Variants in B4GALT1 observed in about 807,000 individuals in gnomAD.
The protein encoded by B4GALT1 is beta-1,4-galactosyltransferase 1, also known as N-acetyllactosamine synthase.
A neutral mutation model predicts 34.9 loss-of-function variants in B4GALT1; 16 were observed. That is an observed-to-expected ratio of 0.46 (90% CI 0.31 to 0.70). The LOEUF is 0.70. Ranked by LOEUF, B4GALT1 falls within the 30% of genes least tolerant of loss-of-function variation. The probability of loss-of-function intolerance (pLI) is 0.05; values close to 1 mark genes in which losing one functional copy is unlikely to be tolerated. For missense variants in B4GALT1, 445 were observed against 530.5 expected (o/e 0.84, Z 1.58); for synonymous variants, 221 against 218.1 (o/e 1.01, Z -0.12).
chr9:33,151,386 G>A (rs1177282901), intron 1 of B4GALT1, among the ~76,000 whole-genome samples: 2 of 152,090 alleles, frequency 1.3e-5, no homozygotes, highest in South Asian at 2.1e-4. Context: ...CTGGAGCTGC[G>A]GTGCTGACTA....
chr9:33,161,124 G>C (rs1322557237), intron 1 of B4GALT1, among the ~76,000 whole-genome samples: 1 of 151,984 alleles, frequency 6.6e-6, no homozygotes, highest in Non-Finnish European at 1.5e-5. Flanking sequence ...AACACACCCA[G>C]ACCAGACTTT....
chr9:33,134,765 G>A (rs945052774), intron 2 of B4GALT1, among the ~76,000 whole-genome samples: 4 of 152,188 alleles, frequency 2.6e-5, no homozygotes, highest in African/African-American at 7.2e-5. Context: ...GGTGCCCCAG[G>A]AGACACGCTC....
intron 2 of B4GALT1, among the ~76,000 whole-genome samples, chr9:33,125,389 G>C (rs1377384541): frequency 6.6e-6 from 1 of 152,230 alleles, no homozygotes; most frequent in Admixed American, 6.5e-5. Context: ...TTAGGTGCTT[G>C]TTAAGATACT....
Position 33,145,805 on chromosome 9 carries a change from G to T in B4GALT1, c.413-10381C>A, listed in dbSNP as rs528127662. ...ACTGTCCCTGCGCTGTACCCACGGG[G>T]ATTCTGTCTCAGAATCTTTTCCAAT... On this transcript the variant is annotated intron_variant, in intron 1 of 5. Coordinates refer to ENST00000379731, the MANE Select transcript of B4GALT1 (RefSeq NM_001497.4). 7.9e-5 allele frequency among the ~76,000 whole-genome samples: 12 copies of T among 152,336 alleles called. No individual in the cohort carries two copies. In the South Asian group the frequency reaches 2.5e-3, roughly 32 times the overall value.
intron 1 of B4GALT1, among the ~76,000 whole-genome samples, chr9:33,160,602 A>G (rs914735309): frequency 1.2e-4 from 19 of 152,146 alleles, no homozygotes; most frequent in African/African-American, 4.6e-4. Context: ...CCCCATCTCT[A>G]CAAAAAATAC....
In B4GALT1 at chr9:33,165,590, T is replaced by C. The variant is rs768619677; in HGVS notation, c.412+1168A>G. The stretch of plus-strand genomic sequence containing the variant: ...CACATTGACGCAATTACTGGCGAAA[T>C]TGAGCAAGAGTATGTAGTAGCCAGG... On this transcript the variant is annotated intron_variant, in intron 1 of 5. Transcript: ENST00000379731. Among the ~76,000 whole-genome samples, 10 of 152,354 alleles carry C rather than the reference T, an allele frequency of 6.6e-5. 1 individual carries two copies. Among genetic ancestry groups the C allele is most frequent in the South Asian group, 2.1e-4 (1 of 4,834 alleles).
downstream of B4GALT1, among the ~76,000 whole-genome samples, chr9:33,106,557 T>C (rs1305768101): frequency 2.0e-5 from 3 of 152,236 alleles, no homozygotes; most frequent in East Asian, 5.8e-4. Flanking sequence ...GGGACAGCAA[T>C]GGAGCGTGGA....
downstream of B4GALT1, chr9:33,108,725 T>C (rs1587723674): frequency 6.6e-6 from 1 of 151,986 alleles, no homozygotes; most frequent in Non-Finnish European, 1.5e-5. Flanking sequence ...AGTGAAAGGG[T>C]GAACTTAACC....
In B4GALT1 at chr9:33,135,444, G is replaced by C; in HGVS notation, c.413-20C>G. The stretch of plus-strand genomic sequence containing the variant: ...GGCCCACTAGAGAGGTGGAGGGAGG[G>C]AGAAGTTAGCAGGCCACAGGACTCG... On this transcript the variant is annotated intron_variant, in intron 1 of 5. Coordinates refer to ENST00000379731, the MANE Select transcript of B4GALT1 (RefSeq NM_001497.4). The C allele has an allele frequency of 6.2e-7, 1 of 1,610,620 alleles. No individual in the cohort carries two copies. The highest frequency in any genetic ancestry group is 8.5e-7 in the Non-Finnish European group (1 of 1,177,642).
rs752872807 is a variant in B4GALT1 at position 33,120,653 on chromosome 9, G to A, written c.649-47C>T. 3.8e-6 allele frequency: 6 copies of A among 1,595,376 alleles called. No individual in the cohort carries two copies. In the East Asian group the frequency reaches 1.4e-4, roughly 36 times the overall value. On this transcript the variant is annotated intron_variant, in intron 2 of 5. Coordinates refer to ENST00000379731, the MANE Select transcript of B4GALT1 (RefSeq NM_001497.4). ...TGATATCAAATGCCTTAAAGCCTTT[G>A]GGCCAAACACTCACAGGGACTGGTG...
At position 33,112,017 on chromosome 9, in the gene B4GALT1, G is replaced by A. The variant is rs1839870044; in HGVS notation, c.*1437C>T. 1 of 152,700 alleles carries A rather than the reference G, an allele frequency of 6.5e-6. No homozygotes were observed. Among genetic ancestry groups the A allele is most frequent in the African/African-American group, 2.4e-5 (1 of 41,444 alleles). The allele number at this position is 152,700 out of a possible 1,614,324, so 9.5% of individuals were successfully genotyped here. A position where few individuals can be genotyped will look rare whatever the true frequency, so the allele number is the denominator to read the frequency against. ...ATTCATGCTGGGGAATGGATAGTCT[G>A]TTTGACCCTGAGTGCCACAGTCAAG... On this transcript the variant is annotated 3_prime_UTR_variant, in exon 6 of 6. Transcript: ENST00000379731.
chr9:33,123,683 T>C (rs1160281503), intron 2 of B4GALT1, among the ~76,000 whole-genome samples: 2 of 152,198 alleles, frequency 1.3e-5, no homozygotes, highest in South Asian at 4.1e-4. Flanking sequence ...CTACTGGCCT[T>C]GGCTGTTTGA....
chr9:33,112,954 A>ACCT lies in B4GALT1; in HGVS notation c.*499_*500insAGG, dbSNP rs878951274. The ACCT allele has an allele frequency of 1.6e-5, 4 of 242,476 alleles. No individual in the cohort carries two copies. In the South Asian group the frequency reaches 2.0e-4, roughly 12 times the overall value. 15.0% of individuals were successfully genotyped at this position (242,476 alleles called of 1,614,324 possible). ...TGATTGCAGTGGTTGCATACCACTGAAAGAAGGGGGTGGGGGGAGGACGTA... is the reference window on the plus strand; with the variant it reads ...TGATTGCAGTGGTTGCATACCACTGACCTAAGAAGGGGGTGGGGGGAGGACGTA... On this transcript the variant is annotated 3_prime_UTR_variant, in exon 6 of 6. Coordinates refer to ENST00000379731, the MANE Select transcript of B4GALT1 (RefSeq NM_001497.4).
intron 1 of B4GALT1, among the ~76,000 whole-genome samples, chr9:33,146,871 T>C (rs1282087314): frequency 6.6e-6 from 1 of 152,242 alleles, no homozygotes; most frequent in African/African-American, 2.4e-5. Context: ...CAGCTAATTT[T>C]TGTATTTTTA....
chr9:33,148,015 C>T (rs537758740), intron 1 of B4GALT1, among the ~76,000 whole-genome samples: 1 of 151,954 alleles, frequency 6.6e-6, no homozygotes, highest in Admixed American at 6.6e-5. Context: ...GTCTGGGTGA[C>T]AGAGCAAAAC....
intron 1 of B4GALT1, among the ~76,000 whole-genome samples, chr9:33,151,001 G>T (rs1033249968): frequency 6.6e-6 from 1 of 152,132 alleles, no homozygotes; most frequent in Non-Finnish European, 1.5e-5. Flanking sequence ...AAATAAGTAA[G>T]GGAGAGATGG....
chr9:33,151,461 T>TA (rs1021070755), intron 1 of B4GALT1, among the ~76,000 whole-genome samples: 33 of 152,158 alleles, frequency 2.2e-4, no homozygotes, highest in African/African-American at 7.7e-4. Context: ...ACTACTCCTA[T>TA]GGGCCATCTG....
chr9:33,113,582 C>G lies in B4GALT1; in HGVS notation c.1069G>C (p.Asp357His). 1 of 1,614,168 alleles carries G rather than the reference C, an allele frequency of 6.2e-7. No individual in the cohort carries two copies. The highest frequency in any genetic ancestry group is 1.1e-5 in the South Asian group (1 of 91,072). Residue 357 changes from aspartate (D) to histidine (H), a missense_variant, in exon 6 of 6, where the codon GAC becomes CAC. Asp to His is a moderately conservative substitution (Grantham distance 81). This residue lies in a region of B4GALT1 where 89 missense variants were observed against 107.6 expected (regional missense o/e 0.83). Coordinates refer to ENST00000379731, the MANE Select transcript of B4GALT1 (RefSeq NM_001497.4). ...GTCTCCTTTGTGTGTGCAATTCGGTCAAACCTACAAGGAAAAGAGCACAAG... is the reference window on the plus strand; with the variant it reads ...GTCTCCTTTGTGTGTGCAATTCGGTGAAACCTACAAGGAAAAGAGCACAAG... Reference protein sequence around the residue: ...KKNEPNPQRFDRIAHTKETML... With the variant: ...KKNEPNPQRFHRIAHTKETML...
intron 1 of B4GALT1, among the ~76,000 whole-genome samples, chr9:33,161,817 G>C (rs886727951): frequency 6.6e-6 from 1 of 152,206 alleles, no homozygotes; most frequent in East Asian, 1.9e-4. Flanking sequence ...TTCATAGTAA[G>C]AGCAGAGAAC....
Sources: gnomAD v4.1 joint callset for allele counts (sites outside exome capture counted in the v4.1 genomes callset) on GRCh38, gnomAD v4.1.1 for gene constraint, gnomAD v4.1.1 regional missense constraint, MANE v1.5 for transcripts, NCBI Gene and HGNC (gene_info 2026-07-23, HGNC 2026-07-21) for gene names.